The following PACS1 variants were observed in gnomAD, a reference collection of about 807,000 sequenced individuals.
The protein encoded by PACS1 is PACS-1.
A neutral mutation model predicts 115.0 loss-of-function variants in PACS1; 24 were observed. The ratio of observed to expected loss-of-function variants is 0.21; its 90% CI spans 0.15 to 0.29. The LOEUF (loss-of-function observed/expected upper bound fraction) is 0.29, where lower values mean the gene tolerates loss of function less well. PACS1 is among the 10% of genes least tolerant of loss of function. PACS1 has a pLI of 1.00. For synonymous variants in PACS1, 453 were observed against 504.5 expected (o/e 0.90, Z 1.37); for missense variants, 838 against 1,251.2 (o/e 0.67, Z 4.98).
intron 1 of PACS1, among the ~76,000 whole-genome samples, chr11:66,096,754 C>A (rs376247196): frequency 6.6e-6 from 1 of 151,968 alleles, no homozygotes; most frequent in South Asian, 2.1e-4. Context: ...CTGCCCACCT[C>A]GGCCTCCCAA....
intron 1 of PACS1, among the ~76,000 whole-genome samples, chr11:66,099,695 G>A (rs1345262127): frequency 6.6e-6 from 1 of 151,578 alleles, no homozygotes; most frequent in Non-Finnish European, 1.5e-5. Context: ...ACAGACATGT[G>A]CCACCATACC....
At chr11:66,215,713 A>G (rs1022476770) in intron 4 of PACS1, among the ~76,000 whole-genome samples, 6 of 152,066 alleles carry the variant, frequency 3.9e-5, no homozygotes, top group African/African-American at 7.2e-5. Context: ...CCTGGCCAAC[A>G]TAGTGAAACC....
chr11:66,090,075 G>A (rs1360886871), intron 1 of PACS1, among the ~76,000 whole-genome samples: 1 of 151,060 alleles, frequency 6.6e-6, no homozygotes, highest in Admixed American at 6.6e-5. Context: ...TCTTTGCCGG[G>A]ACTGTGGGCA....
intron 1 of PACS1, chr11:66,120,993 T>C (rs1209216576): frequency 4.4e-6 from 2 of 456,272 alleles, no homozygotes; most frequent in Admixed American, 2.3e-5. Context: ...CCTCCTTTTA[T>C]TGTGCTTCAC....
intron 1 of PACS1, among the ~76,000 whole-genome samples, chr11:66,191,887 A>G (rs568394421): frequency 6.6e-6 from 1 of 152,136 alleles, no homozygotes; most frequent in African/African-American, 2.4e-5. Context: ...GCCAGACATG[A>G]TAGTGGGTGC....
intron 1 of PACS1, among the ~76,000 whole-genome samples, chr11:66,108,023 A>G (rs1858090872): frequency 6.6e-6 from 1 of 152,168 alleles, no homozygotes; most frequent in Non-Finnish European, 1.5e-5. Context: ...TTTGTACATC[A>G]TGACAGCTGC....
At chr11:66,107,036 A>C (rs1330691850) in intron 1 of PACS1, among the ~76,000 whole-genome samples, 2 of 152,162 alleles carry the variant, frequency 1.3e-5, no homozygotes, top group East Asian at 3.9e-4. Context: ...CCTTAAGGGA[A>C]TATTACCTCC....
intron 1 of PACS1, among the ~76,000 whole-genome samples, chr11:66,152,400 C>A (rs115257280): frequency 1.6e-3 from 237 of 152,098 alleles, no homozygotes; most frequent in African/African-American, 5.6e-3. Context: ...TATCAGGTAG[C>A]CTAACATAAG....
intron 1 of PACS1, among the ~76,000 whole-genome samples, chr11:66,182,018 T>C (rs1860023399): frequency 6.6e-6 from 1 of 152,256 alleles, no homozygotes; most frequent in Non-Finnish European, 1.5e-5. Context: ...TTCTATTTTA[T>C]AGATGAGAAA....
At chr11:66,184,350 G>A (rs1284705884) in intron 1 of PACS1, among the ~76,000 whole-genome samples, 1 of 150,736 alleles carries the variant, frequency 6.6e-6, no homozygotes, top group African/African-American at 2.4e-5. Context: ...AGATGAGAGG[G>A]GAATGGAATA....
intron 1 of PACS1, among the ~76,000 whole-genome samples, chr11:66,154,244 C>T (rs1420554978): frequency 6.6e-6 from 1 of 152,110 alleles, no homozygotes; most frequent in Non-Finnish European, 1.5e-5. Flanking sequence ...CAAGACCAGC[C>T]TGGGCAACAT....
At chr11:66,179,836 ATTGT>A (rs1859958957) in intron 1 of PACS1, among the ~76,000 whole-genome samples, 3 of 151,770 alleles carry the variant, frequency 2.0e-5, no homozygotes, top group South Asian at 2.1e-4. Flanking sequence ...TTTTGCTCTC[ATTGT>A]TTGTTTGTTT....
chr11:66,097,599 C>T (rs1409860203), intron 1 of PACS1, among the ~76,000 whole-genome samples: 2 of 152,162 alleles, frequency 1.3e-5, no homozygotes, highest in Admixed American at 6.6e-5. Context: ...GGCTTTTGAC[C>T]TATAGAATCT....
intron 1 of PACS1, among the ~76,000 whole-genome samples, chr11:66,102,778 G>T (rs200279492): frequency 6.6e-6 from 1 of 152,052 alleles, no homozygotes; most frequent in Non-Finnish European, 1.5e-5. Flanking sequence ...TTGTAGGTTG[G>T]ATTACTGAAC....
At chr11:66,216,460 G>A (rs996137405) in intron 5 of PACS1, 60 bp from the exon 6 acceptor site, 31 of 1,515,970 alleles carry the variant, frequency 2.0e-5, no homozygotes, top group African/African-American at 4.1e-5. Context: ...CCAGCCCATC[G>A]AAGTTTCTTA....
intron 4 of PACS1, among the ~76,000 whole-genome samples, chr11:66,214,205 T>G (rs545921404): frequency 2.6e-4 from 40 of 152,226 alleles, no homozygotes; most frequent in African/African-American, 9.1e-4. Context: ...TAGGAACAAT[T>G]TTGTGGCCAT....
chr11:66,238,722 T>A, intron 19 of PACS1, 82 bp from the exon 20 acceptor site: 1 of 1,238,322 alleles, frequency 8.1e-7, no homozygotes, highest in Non-Finnish European at 1.2e-6. Context: ...ATGGCTCTTG[T>A]GCCACCAATG....
chr11:66,182,275 A>C (rs1860027661), intron 1 of PACS1, among the ~76,000 whole-genome samples: 1 of 152,178 alleles, frequency 6.6e-6, no homozygotes, highest in African/African-American at 2.4e-5. Context: ...TTTTCTTAGA[A>C]TCTTATGTCC....
intron 1 of PACS1, among the ~76,000 whole-genome samples, chr11:66,191,799 G>A (rs966287110): frequency 1.1e-4 from 16 of 152,136 alleles, no homozygotes; most frequent in South Asian, 2.1e-4. Context: ...CGAGGCAGGC[G>A]GATCACCTGA....
Sources: gnomAD v4.1 joint callset for allele counts (sites outside exome capture counted in the v4.1 genomes callset) on GRCh38, gnomAD v4.1.1 for gene constraint, MANE v1.5 for transcripts, NCBI Gene and HGNC (gene_info 2026-07-23, HGNC 2026-07-21) for gene names.